The following FALEC variants were observed in gnomAD, a reference collection of about 807,000 sequenced individuals.
FALEC encodes focally amplified lncRNA on chromosome 1.
the FALEC span, among the ~76,000 whole-genome samples, chr1:150,531,181 A>G: frequency 6.6e-6 from 1 of 152,230 alleles, no homozygotes; most frequent in South Asian, 2.1e-4. Flanking sequence ...CAAATGAACA[A>G]TGGCCAGACC....
At chr1:150,520,653 A>T (rs587703235), downstream of FALEC, among the ~76,000 whole-genome samples, 1 of 152,144 alleles carries the variant, frequency 6.6e-6, no homozygotes, top group South Asian at 2.1e-4. Flanking sequence ...TCATTTTGCC[A>T]ATTTTTGAAC....
At chr1:150,517,943 TG>T (rs1169341558) in exon 2 of FALEC, 1 of 152,112 alleles carries the variant, frequency 6.6e-6, no homozygotes, top group Non-Finnish European at 1.5e-5. Flanking sequence ...GAATGGGAGA[TG>T]AAGAAAAGGA....
chr1:150,530,210 A>C, the FALEC span, among the ~76,000 whole-genome samples: 1 of 152,180 alleles, frequency 6.6e-6, no homozygotes, highest in Admixed American at 6.5e-5. Context: ...CCAGTTCCTT[A>C]TTTCAGAGGG....
downstream of FALEC, among the ~76,000 whole-genome samples, chr1:150,522,979 A>ATTTTTTTTT (rs1560270901): frequency 1.3e-4 from 3 of 22,890 alleles, no homozygotes; most frequent in African/African-American, 2.1e-4. Context: ...ATATATATAT[A>ATTTTTTTTT]TATATTTTTT....
downstream of FALEC, among the ~76,000 whole-genome samples, chr1:150,522,966 T>C (rs1670673483): frequency 9.2e-5 from 4 of 43,640 alleles, no homozygotes; most frequent in Non-Finnish European, 9.3e-5. Flanking sequence ...TATATATATA[T>C]ATATATATAT....
the FALEC span, among the ~76,000 whole-genome samples, chr1:150,526,622 CTATTTT>C: frequency 6.6e-6 from 1 of 151,138 alleles, no homozygotes; most frequent in African/African-American, 2.4e-5. Flanking sequence ...ATTTTTATTT[CTATTTT>C]TATATATTTA....
downstream of FALEC, among the ~76,000 whole-genome samples, chr1:150,522,886 T>C (rs1235799503): frequency 8.1e-5 from 8 of 98,550 alleles, 1 homozygote; most frequent in South Asian, 2.6e-4. Context: ...CATATATATA[T>C]ACGTATATAT....
chr1:150,528,829 C>T, the FALEC span, among the ~76,000 whole-genome samples: 1 of 151,528 alleles, frequency 6.6e-6, no homozygotes, highest in Non-Finnish European at 1.5e-5. Context: ...CCTCTTGATC[C>T]GTCTGCTTCG....
the FALEC span, among the ~76,000 whole-genome samples, chr1:150,529,659 G>A: frequency 1.3e-5 from 2 of 151,506 alleles, no homozygotes; most frequent in Non-Finnish European, 2.9e-5. Flanking sequence ...GTGCAGTGGC[G>A]CCATCTCGGC....
At chr1:150,531,885 G>T in the FALEC span, among the ~76,000 whole-genome samples, 2 of 152,208 alleles carry the variant, frequency 1.3e-5, no homozygotes, top group East Asian at 3.9e-4. Flanking sequence ...CCACTCCTCT[G>T]CCTGCCTTCG....
At chr1:150,532,548 CTT>C in the FALEC span, among the ~76,000 whole-genome samples, 6 of 152,186 alleles carry the variant, frequency 3.9e-5, no homozygotes, top group Non-Finnish European at 5.9e-5. Context: ...AAGGCAGGAA[CTT>C]TGCCTAGAAT....
intron 1 of FALEC, among the ~76,000 whole-genome samples, chr1:150,516,240 C>T (rs1670567571): frequency 7.6e-6 from 1 of 132,396 alleles, no homozygotes; most frequent in African/African-American, 2.9e-5. Flanking sequence ...AGAGGAGACT[C>T]TGTCTCAAAA....
chr1:150,533,159 A>G, the FALEC span, among the ~76,000 whole-genome samples: 1 of 152,198 alleles, frequency 6.6e-6, no homozygotes, highest in African/African-American at 2.4e-5. Context: ...ATTTTATTCA[A>G]AAAGGCACTG....
downstream of FALEC, among the ~76,000 whole-genome samples, chr1:150,522,868 T>TATATATATATATACAC (rs1670664323): frequency 3.6e-5 from 4 of 111,042 alleles, no homozygotes; most frequent in Non-Finnish European, 7.4e-5. Flanking sequence ...TATATATACG[T>TATATATATATATACAC]ATATATACAT....
At chr1:150,525,211 C>T in the FALEC span, among the ~76,000 whole-genome samples, 1 of 152,034 alleles carries the variant, frequency 6.6e-6, no homozygotes, top group East Asian at 1.9e-4. Context: ...CGCTTGAACC[C>T]AGTAGGCGGA....
At chr1:150,535,248 T>C in the FALEC span, among the ~76,000 whole-genome samples, 4 of 152,094 alleles carry the variant, frequency 2.6e-5, no homozygotes, top group Admixed American at 6.6e-5. Flanking sequence ...CTAACTTGAT[T>C]TTTTTTTCTT....
the FALEC span, among the ~76,000 whole-genome samples, chr1:150,523,473 G>C: frequency 6.6e-6 from 1 of 151,208 alleles, no homozygotes; most frequent in Non-Finnish European, 1.5e-5. Context: ...TGACCAACAT[G>C]GTGAAACCCT....
At chr1:150,522,669 C>A (rs35839143), downstream of FALEC, among the ~76,000 whole-genome samples, 12,596 of 150,622 alleles carry the variant, frequency 0.084, 640 homozygotes, top group African/African-American at 0.11. Context: ...AACACAGTAG[C>A]CACCAGCCAC....
downstream of FALEC, among the ~76,000 whole-genome samples, chr1:150,520,928 T>C (rs866956374): frequency 3.2e-4 from 48 of 151,410 alleles, no homozygotes; most frequent in Middle Eastern, 6.8e-3. Context: ...CAGCCTCCCA[T>C]GTAGTTGGGA....
Sources: gnomAD v4.1 joint callset for allele counts (sites outside exome capture counted in the v4.1 genomes callset) on GRCh38, gnomAD v4.1.1 for gene constraint, MANE v1.5 for transcripts, NCBI Gene and HGNC (gene_info 2026-07-23, HGNC 2026-07-21) for gene names.